TBC1D31: variants seen among roughly 807,000 people sequenced by gnomAD.
The protein encoded by TBC1D31 is WD repeat domain 67.
A neutral mutation model predicts 132.9 loss-of-function variants in TBC1D31; 99 were observed. The ratio of observed to expected loss-of-function variants is 0.74; its 90% confidence interval spans 0.63 to 0.88. TBC1D31 has a LOEUF of 0.88. Ranked by LOEUF, TBC1D31 falls within the 40% of genes least tolerant of loss-of-function variation. The pLI, the probability that TBC1D31 is intolerant of heterozygous loss-of-function variation, is 0.00. For synonymous variants in TBC1D31, 385 were observed against 419.4 expected (o/e 0.92, Z 1.00); for missense variants, 1,134 against 1,256.6 (o/e 0.90, Z 1.48).
chr8:123,077,038 T>C, intron 1 of TBC1D31, 73 bp from the exon 2 acceptor site: 1 of 1,403,728 alleles, frequency 7.1e-7, no homozygotes, highest in East Asian at 2.5e-5. Context: ...CGAAATGCTT[T>C]ACTTGCCATA....
intron 4 of TBC1D31, among the ~76,000 whole-genome samples, chr8:123,088,999 CTT>C (rs1195028154): frequency 6.6e-6 from 1 of 152,056 alleles, no homozygotes; most frequent in Non-Finnish European, 1.5e-5. Flanking sequence ...AGTTATTTAT[CTT>C]ATGTATGGGA....
intron 16 of TBC1D31, among the ~76,000 whole-genome samples, chr8:123,131,312 C>T (rs1028946362): frequency 1.0e-4 from 14 of 139,286 alleles, no homozygotes; most frequent in Non-Finnish European, 1.5e-5. Context: ...TGCAGTGAGC[C>T]GAGATCATGC....
chr8:123,119,807 T>C (rs1278473492), intron 10 of TBC1D31, among the ~76,000 whole-genome samples: 3 of 152,216 alleles, frequency 2.0e-5, no homozygotes, highest in African/African-American at 4.8e-5. Context: ...TATACTGATA[T>C]AAACTATTTC....
chr8:123,140,042 G>A (rs1821480393), intron 17 of TBC1D31, among the ~76,000 whole-genome samples: 1 of 152,052 alleles, frequency 6.6e-6, no homozygotes, highest in South Asian at 2.1e-4. Flanking sequence ...TTCCTTCCTT[G>A]GCTTCCAGGC....
chr8:123,134,072 G>A (rs1820859995), intron 16 of TBC1D31, 42 bp from the exon 17 acceptor site: 2 of 1,441,676 alleles, frequency 1.4e-6, no homozygotes, highest in African/African-American at 1.4e-5. Flanking sequence ...AAATTATTTT[G>A]TAAATTCTTT....
the TBC1D31 span, among the ~76,000 whole-genome samples, chr8:123,157,305 C>G: frequency 6.6e-6 from 1 of 152,148 alleles, no homozygotes; most frequent in Non-Finnish European, 1.5e-5. Flanking sequence ...AACGAGGCAC[C>G]TAGTAAGGGT....
chr8:123,131,402 CT>C (rs1811922199), intron 16 of TBC1D31, among the ~76,000 whole-genome samples: 1 of 144,042 alleles, frequency 6.9e-6, no homozygotes, highest in Non-Finnish European at 1.5e-5. Context: ...ATTACATAGA[CT>C]TTCAGGTATG....
downstream of TBC1D31, among the ~76,000 whole-genome samples, chr8:123,156,413 C>G (rs1020793479): frequency 6.8e-6 from 1 of 146,594 alleles, no homozygotes; most frequent in Admixed American, 6.9e-5. Flanking sequence ...TACAGTCCAG[C>G]CTGGGCAACA....
chr8:123,151,868 A>G lies in TBC1D31; in HGVS notation c.3130A>G (p.Arg1044Gly). 2 of 1,593,068 alleles carry G rather than the reference A, an allele frequency of 1.3e-6. No homozygotes were observed. Among genetic ancestry groups the G allele is most frequent in the Non-Finnish European group, 1.7e-6 (2 of 1,173,312 alleles). Residue 1044 changes from arginine to glycine, a missense_variant, in exon 22 of 22, where the codon AGA (arginine) becomes GGA (glycine). Coordinates refer to ENST00000287380, the MANE Select transcript of TBC1D31 (RefSeq NM_145647.4). ...TTGQNLIKKV[R>G]NLRQRLTARA... ...GGGACAGAATCTTATTAAGAAAGTGAGAAATCTTCGCCAGAGACTCACTGC... is the reference window on the plus strand; with the variant it reads ...GGGACAGAATCTTATTAAGAAAGTGGGAAATCTTCGCCAGAGACTCACTGC...
In TBC1D31 at chr8:123,105,460, A is replaced by G; in HGVS notation, c.1205A>G (p.Lys402Arg). ...GACCTGACTGGTGATTTTGAAAGTAAAAAGGTAAGAATATTTGGTAATTAA... is the reference window on the plus strand; with the variant it reads ...GACCTGACTGGTGATTTTGAAAGTAGAAAGGTAAGAATATTTGGTAATTAA... ...KQDLTGDFES[K>R]KNELPDGLNK... The change falls in exon 8 of 22, where the codon AAA becomes AGA. Residue 402 changes from lysine (K) to arginine (R), a missense_variant. Physicochemically the swap from Lys to Arg is conservative, Grantham distance 26. Transcript: ENST00000287380. 1.2e-6 allele frequency: 2 copies of G among 1,607,852 alleles called. No homozygotes were observed. The highest frequency in any genetic ancestry group is 1.7e-6 in the Non-Finnish European group (2 of 1,177,718).
At chr8:123,103,729 C>A (rs1274962756) in intron 7 of TBC1D31, 1 of 152,228 alleles carries the variant, frequency 6.6e-6, no homozygotes, top group Non-Finnish European at 1.5e-5. Flanking sequence ...GCCTTGCAAA[C>A]CTTCTTAATA....
the TBC1D31 span, among the ~76,000 whole-genome samples, chr8:123,157,242 G>C: frequency 6.6e-6 from 1 of 152,188 alleles, no homozygotes; most frequent in Non-Finnish European, 1.5e-5. Flanking sequence ...CCCCGTGTGA[G>C]GATCGAACTC....
At position 123,109,632 on chromosome 8, in the gene TBC1D31, A is replaced by G; in HGVS notation, c.1436+12A>G. Reference sequence around the variant, plus strand: ...AGAGTATTACAGAGGTATGTTCTATATATTGCAGCAATGTGTATGAGACCT... The same window carrying G: ...AGAGTATTACAGAGGTATGTTCTATGTATTGCAGCAATGTGTATGAGACCT... On this transcript the variant is annotated intron_variant, in intron 10 of 21. Transcript: ENST00000287380. 1 of 1,591,410 alleles carries G rather than the reference A, an allele frequency of 6.3e-7. No individual in the cohort carries two copies. Among genetic ancestry groups the G allele is most frequent in the Non-Finnish European group, 8.5e-7 (1 of 1,170,656 alleles).
chr8:123,147,435 G>A (rs948729367), intron 20 of TBC1D31, among the ~76,000 whole-genome samples: 17 of 152,206 alleles, frequency 1.1e-4, no homozygotes, highest in African/African-American at 3.4e-4. Context: ...CCCTCCCAAA[G>A]TGCTGGGATT....
chr8:123,160,660 C>T, the TBC1D31 span, among the ~76,000 whole-genome samples: 1 of 152,082 alleles, frequency 6.6e-6, no homozygotes, highest in East Asian at 1.9e-4. Context: ...TCGGCTTTTT[C>T]CAAATTAGCC....
intron 17 of TBC1D31, among the ~76,000 whole-genome samples, chr8:123,138,612 G>T (rs957514734): frequency 6.6e-6 from 1 of 152,098 alleles, no homozygotes; most frequent in African/African-American, 2.4e-5. Flanking sequence ...TGGCAGCCAC[G>T]AAGCTACTTT....
intron 10 of TBC1D31, 51 bp downstream of exon 10, chr8:123,109,671 G>T (rs1186030822): frequency 1.4e-5 from 20 of 1,458,518 alleles, no homozygotes; most frequent in Non-Finnish European, 1.5e-5. Context: ...ACTAATAATT[G>T]CAATGTTATA....
the TBC1D31 span, among the ~76,000 whole-genome samples, chr8:123,163,808 T>A: frequency 6.6e-6 from 1 of 152,196 alleles, no homozygotes; most frequent in Admixed American, 6.5e-5. Flanking sequence ...CAAAGTGTAG[T>A]CTTTTATCCT....
chr8:123,101,109 C>A, intron 7 of TBC1D31, 102 bp downstream of exon 7: 1 of 898,294 alleles, frequency 1.1e-6, no homozygotes, highest in Non-Finnish European at 1.7e-6. Context: ...TTACCTGGAA[C>A]TTATCCATTT....
Sources: allele counts gnomAD v4.1 joint callset (sites outside exome capture counted in the v4.1 genomes callset), GRCh38; gene constraint gnomAD v4.1.1; transcripts MANE v1.5; gene names NCBI Gene and HGNC (gene_info 2026-07-23, HGNC 2026-07-21).